MID2: variants seen among roughly 807,000 people sequenced by gnomAD.
The protein encoded by MID2 is midline 2.
MID2 carries 13 observed loss-of-function variants against 46.1 expected under a neutral mutation model. The observed-to-expected ratio is 0.28, with a 90% CI of 0.18 to 0.45. The LOEUF (loss-of-function observed/expected upper bound fraction) is 0.45, where lower values mean the gene tolerates loss of function less well. Ranked by LOEUF, MID2 falls within the 20% of genes least tolerant of loss-of-function variation. The pLI, the probability that MID2 is intolerant of heterozygous loss-of-function variation, is 1.00. For synonymous variants in MID2, 199 were observed against 212.3 expected, an observed-to-expected ratio of 0.94 and a Z score of 0.55; for missense variants, 431 against 575.4, an observed-to-expected ratio of 0.75 and a Z score of 2.57.
intron 2 of MID2, among the ~76,000 whole-genome samples, chrX:107,853,652 TG>T (rs1404995392): frequency 1.8e-5 from 2 of 111,419 alleles, no homozygotes; most frequent in African/African-American, 3.3e-5. Flanking sequence ...CTGCCTCTCT[TG>T]TGGGTGAAGC....
At chrX:107,919,921 T>A (rs1406325436) in intron 7 of MID2, among the ~76,000 whole-genome samples, 1 of 112,256 alleles carries the variant, frequency 8.9e-6, no homozygotes, top group East Asian at 2.8e-4. Flanking sequence ...TTTTATCTGG[T>A]TAGTTCTGCC....
chrX:107,833,140 T>C lies in MID2; in HGVS notation c.4+6710T>C, dbSNP rs754390080. On this transcript the variant is annotated intron_variant, in intron 1 of 9. Transcript: ENST00000262843. ...TAGTCACACTAATAAATAAAAGTTG[T>C]GTTTTTAGGAGCTAGTTTACAATAA... Among the ~76,000 whole-genome samples, 6 of 111,730 alleles carry C rather than the reference T, an allele frequency of 5.4e-5. No homozygotes were observed. In the South Asian group the frequency reaches 2.2e-3, roughly 42 times the overall value.
At chrX:107,856,616 C>A (rs745563527) in intron 3 of MID2, among the ~76,000 whole-genome samples, 9 of 111,835 alleles carry the variant, frequency 8.0e-5, no homozygotes, top group Non-Finnish European at 1.5e-4. Context: ...TTTCCCAGCC[C>A]ATCCTGCCAA....
At chrX:107,834,733 A>C (rs1228989797) in intron 1 of MID2, among the ~76,000 whole-genome samples, 1 of 111,685 alleles carries the variant, frequency 9.0e-6, no homozygotes, top group Non-Finnish European at 1.9e-5. Context: ...GACCTAGAAA[A>C]ACAATTGAAA....
intron 3 of MID2, among the ~76,000 whole-genome samples, chrX:107,876,964 G>A (rs1334801856): frequency 9.0e-6 from 1 of 111,371 alleles, no homozygotes; most frequent in African/African-American, 3.3e-5. Context: ...GAGGGGGCAA[G>A]TGAGAGAGAG....
intron 3 of MID2, among the ~76,000 whole-genome samples, chrX:107,874,076 TG>T (rs1423175773): frequency 5.6e-5 from 6 of 106,467 alleles, no homozygotes; most frequent in African/African-American, 1.8e-4. Flanking sequence ...ATGTATCCCT[TG>T]TTCTACAAAA....
intron 3 of MID2, among the ~76,000 whole-genome samples, chrX:107,896,860 T>C (rs2147859010): frequency 9.0e-6 from 1 of 110,936 alleles, no homozygotes; most frequent in South Asian, 3.9e-4. Context: ...GTTAAAACCA[T>C]AGACATGAGC....
chrX:107,924,655 G>A, intron 8 of MID2, 151 bp downstream of exon 8: 1 of 549,582 alleles, frequency 1.8e-6, no homozygotes, highest in Non-Finnish European at 2.8e-6. Context: ...TGGGCAAGGA[G>A]TTTGTTGGTG....
chrX:107,907,950 C>A (rs1265702589), intron 5 of MID2, among the ~76,000 whole-genome samples: 1 of 111,552 alleles, frequency 9.0e-6, no homozygotes, highest in Non-Finnish European at 1.9e-5. Flanking sequence ...ACTTAATCCT[C>A]AAAAAAACTT....
At chrX:107,915,426 G>A (rs1325400375) in intron 5 of MID2, among the ~76,000 whole-genome samples, 4 of 109,121 alleles carry the variant, frequency 3.7e-5, no homozygotes, top group Admixed American at 9.7e-5. Flanking sequence ...GTGTGGTGGC[G>A]GGCCACCAGC....
chrX:107,845,589 TG>T (rs778623466), intron 2 of MID2, among the ~76,000 whole-genome samples: 34 of 104,789 alleles, frequency 3.2e-4, no homozygotes, highest in African/African-American at 1.3e-3. Flanking sequence ...AGCTAATGAT[TG>T]CCAGACAATG....
intron 3 of MID2, among the ~76,000 whole-genome samples, chrX:107,882,680 G>A (rs1424618830): frequency 5.4e-5 from 6 of 111,395 alleles, no homozygotes; most frequent in South Asian, 3.8e-4. Flanking sequence ...TTAGAATGGC[G>A]ATCATTAAAA....
At chrX:107,916,268 CAG>C (rs1932969372) in intron 6 of MID2, 139 bp downstream of exon 6, 6 of 495,677 alleles carry the variant, frequency 1.2e-5, no homozygotes, top group Non-Finnish European at 1.7e-5. Context: ...TCTTTTCAGA[CAG>C]AATATATTTT....
At chrX:107,852,358 A>G (rs958045104) in intron 2 of MID2, among the ~76,000 whole-genome samples, 3 of 112,162 alleles carry the variant, frequency 2.7e-5, no homozygotes, top group Non-Finnish European at 5.6e-5. Context: ...GGTGTTCAAT[A>G]CATTTTTGTA....
chrX:107,896,647 A>G (rs1319386452), intron 3 of MID2, among the ~76,000 whole-genome samples: 1 of 112,847 alleles, frequency 8.9e-6, no homozygotes, highest in Non-Finnish European at 1.9e-5. Context: ...TGCTTTTAAA[A>G]TATGTTGTAT....
intron 1 of MID2, among the ~76,000 whole-genome samples, chrX:107,838,648 G>A (rs1291393498): frequency 8.9e-6 from 1 of 112,305 alleles, no homozygotes; most frequent in Non-Finnish European, 1.9e-5. Flanking sequence ...ACAGCTTTTA[G>A]GTGTACATCT....
At chrX:107,903,810 T>C (rs1932813508) in intron 3 of MID2, 148 bp from the exon 4 acceptor site, 1 of 438,654 alleles carries the variant, frequency 2.3e-6, no homozygotes, top group African/African-American at 2.5e-5. Context: ...ATCATTAATA[T>C]CATCATCTCT....
chrX:107,850,231 T>C (rs1307461655), intron 2 of MID2, among the ~76,000 whole-genome samples: 1 of 110,693 alleles, frequency 9.0e-6, no homozygotes, highest in African/African-American at 3.3e-5. Flanking sequence ...CTTTGTTTAC[T>C]CAGCCAGAGT....
intron 7 of MID2, among the ~76,000 whole-genome samples, chrX:107,920,880 A>G (rs1414688216): frequency 6.3e-5 from 7 of 111,857 alleles, no homozygotes; most frequent in African/African-American, 1.9e-4. Context: ...TTTAGAGCAA[A>G]TTGCATACAT....
Sources: allele counts gnomAD v4.1 joint callset (sites outside exome capture counted in the v4.1 genomes callset), GRCh38; gene constraint gnomAD v4.1.1; transcripts MANE v1.5; gene names NCBI Gene and HGNC (gene_info 2026-07-23, HGNC 2026-07-21).